Variants in ADGRL3 observed in about 807,000 individuals in gnomAD.
ADGRL3 encodes calcium-independent alpha-latrotoxin receptor 3.
In ADGRL3, 62 loss-of-function variants were observed where a neutral mutation model predicts 153.5. That is an observed-to-expected ratio of 0.40 (90% CI 0.33 to 0.50). The LOEUF (loss-of-function observed/expected upper bound fraction) is 0.50, where lower values mean the gene tolerates loss of function less well. Ranked by LOEUF, ADGRL3 falls within the 20% of genes least tolerant of loss-of-function variation. ADGRL3 has a pLI of 0.47. For synonymous variants in ADGRL3, 710 were observed against 672.5 expected, an observed-to-expected ratio of 1.06 and a Z score of -0.86; for missense variants, 1,641 against 1,859.4, an observed-to-expected ratio of 0.88 and a Z score of 2.16.
chr4:61,546,640 C>G (rs541776660), intron 4 of ADGRL3, among the ~76,000 whole-genome samples: 2 of 151,956 alleles, frequency 1.3e-5, no homozygotes, highest in South Asian at 4.2e-4. Context: ...AGAAATCAAC[C>G]CTGAAGGGAG....
chr4:61,955,432 T>C (rs2098962470), intron 17 of ADGRL3, among the ~76,000 whole-genome samples: 1 of 152,170 alleles, frequency 6.6e-6, no homozygotes, highest in African/African-American at 2.4e-5. Context: ...AGCTATCCCA[T>C]ATCAAAGATC....
At chr4:61,630,676 A>G (rs1459871586) in intron 5 of ADGRL3, among the ~76,000 whole-genome samples, 2 of 152,264 alleles carry the variant, frequency 1.3e-5, no homozygotes, top group Non-Finnish European at 2.9e-5. Context: ...AATCAGCTAC[A>G]GCTGGCTAGC....
At chr4:61,890,449 G>A (rs1468306350) in intron 9 of ADGRL3, among the ~76,000 whole-genome samples, 1 of 151,120 alleles carries the variant, frequency 6.6e-6, no homozygotes, top group Non-Finnish European at 1.5e-5. Context: ...AGGTCAAGGG[G>A]CCCACAACTG....
chr4:61,427,660 C>G (rs2097299312), intron 2 of ADGRL3: 1 of 152,762 alleles, frequency 6.5e-6, no homozygotes, highest in Non-Finnish European at 1.5e-5. Flanking sequence ...GGTGAGCCTG[C>G]AGTGGAGGTT....
chr4:61,786,857 C>T (rs1191715262), intron 8 of ADGRL3, among the ~76,000 whole-genome samples: 1 of 151,986 alleles, frequency 6.6e-6, no homozygotes, highest in Non-Finnish European at 1.5e-5. Context: ...ATATTGACAA[C>T]TCTCATTTTA....
chr4:61,550,929 C>G (rs1380159267), intron 4 of ADGRL3, among the ~76,000 whole-genome samples: 1 of 152,094 alleles, frequency 6.6e-6, no homozygotes, highest in Non-Finnish European at 1.5e-5. Context: ...TCCTACATAT[C>G]TCACTACTTA....
intron 1 of ADGRL3, among the ~76,000 whole-genome samples, chr4:61,297,917 T>C (rs572756694): frequency 2.5e-4 from 38 of 152,240 alleles, no homozygotes; most frequent in Admixed American, 2.5e-3. Flanking sequence ...CTTCCTGCTG[T>C]GTGTTTTACC....
At chr4:61,322,436 A>T (rs1044853777) in intron 1 of ADGRL3, among the ~76,000 whole-genome samples, 1 of 152,232 alleles carries the variant, frequency 6.6e-6, no homozygotes, top group Non-Finnish European at 1.5e-5. Context: ...GTGACTCAAA[A>T]GTCCACAGTC....
At chr4:61,469,179 C>T (rs1180138804) in intron 2 of ADGRL3, among the ~76,000 whole-genome samples, 1 of 152,090 alleles carries the variant, frequency 6.6e-6, no homozygotes, top group Non-Finnish European at 1.5e-5. Flanking sequence ...GGTAAGGGCT[C>T]TGGAGCCAGC....
At chr4:61,731,896 A>C (rs1294976672) in intron 7 of ADGRL3, among the ~76,000 whole-genome samples, 2 of 152,164 alleles carry the variant, frequency 1.3e-5, no homozygotes, top group Non-Finnish European at 2.9e-5. Flanking sequence ...ACTAAAAATC[A>C]AGTGAATCAG....
intron 19 of ADGRL3, among the ~76,000 whole-genome samples, chr4:61,991,257 A>G (rs1481260477): frequency 6.6e-6 from 1 of 151,846 alleles, no homozygotes; most frequent in Non-Finnish European, 1.5e-5. Context: ...TTCTTGTTTT[A>G]TTTTTACTTT....
chr4:61,844,505 C>A (rs1014003655), intron 9 of ADGRL3, among the ~76,000 whole-genome samples: 1 of 124,996 alleles, frequency 8.0e-6, no homozygotes, highest in Non-Finnish European at 1.6e-5. Flanking sequence ...CAAGATCATG[C>A]CATTGCACTC....
At chr4:61,277,448 TTTTA>T (rs749034310) in intron 1 of ADGRL3, among the ~76,000 whole-genome samples, 3 of 152,182 alleles carry the variant, frequency 2.0e-5, no homozygotes, top group Non-Finnish European at 4.4e-5. Context: ...AACCTATTTA[TTTTA>T]TTTAATTTAT....
At chr4:61,505,279 T>C (rs2098420120) in intron 3 of ADGRL3, among the ~76,000 whole-genome samples, 2 of 152,328 alleles carry the variant, frequency 1.3e-5, no homozygotes, top group South Asian at 4.1e-4. Context: ...CATCTTTTGC[T>C]CATTTTAAAA....
chr4:61,841,409 T>C (rs1379213831), intron 9 of ADGRL3, among the ~76,000 whole-genome samples: 2 of 152,170 alleles, frequency 1.3e-5, no homozygotes, highest in African/African-American at 2.4e-5. Context: ...TACAGTAGCT[T>C]GTACCCGGGA....
At chr4:61,709,489 A>C (rs2095922939) in intron 6 of ADGRL3, among the ~76,000 whole-genome samples, 1 of 152,200 alleles carries the variant, frequency 6.6e-6, no homozygotes, top group Admixed American at 6.5e-5. Context: ...CATCTGTGCC[A>C]GGCTTTTTAT....
At chr4:61,354,534 A>C (rs2096122786) in intron 1 of ADGRL3, among the ~76,000 whole-genome samples, 1 of 151,692 alleles carries the variant, frequency 6.6e-6, no homozygotes, top group Non-Finnish European at 1.5e-5. Flanking sequence ...TTTATACTTC[A>C]TATGAAGTCT....
chr4:61,329,151 T>G (rs1348830368), intron 1 of ADGRL3, among the ~76,000 whole-genome samples: 1 of 152,178 alleles, frequency 6.6e-6, no homozygotes, highest in Non-Finnish European at 1.5e-5. Context: ...AGGATGCGTA[T>G]TTAAAAGCTA....
chr4:61,609,631 C>T (rs142539868), intron 5 of ADGRL3, among the ~76,000 whole-genome samples: 1,870 of 152,158 alleles, frequency 0.012, 23 homozygotes, highest in Middle Eastern at 0.037. Flanking sequence ...AGTTCTTCCT[C>T]CTGAATTTTC....
Sources: gnomAD v4.1 joint callset for allele counts (sites outside exome capture counted in the v4.1 genomes callset) on GRCh38, gnomAD v4.1.1 for gene constraint, MANE v1.5 for transcripts, NCBI Gene and HGNC (gene_info 2026-07-23, HGNC 2026-07-21) for gene names.